NECTIN1: variants seen among roughly 807,000 people sequenced by gnomAD.
NECTIN1 encodes the protein nectin-1.
Under a neutral mutation model 48.0 loss-of-function variants are expected in NECTIN1, and 23 were observed. The ratio of observed to expected loss-of-function variants is 0.48; its 90% CI spans 0.34 to 0.68. NECTIN1 has a LOEUF of 0.68. NECTIN1 is among the 30% of genes least tolerant of loss of function. The pLI is 0.01. For missense variants in NECTIN1, 591 were observed against 709.9 expected, an observed-to-expected ratio of 0.83 and a Z score of 1.90; for synonymous variants, 270 against 288.9, an observed-to-expected ratio of 0.93 and a Z score of 0.66.
intron 5 of NECTIN1, among the ~76,000 whole-genome samples, chr11:119,653,077 T>C (rs1864515566): frequency 6.6e-6 from 1 of 152,218 alleles, no homozygotes; most frequent in Admixed American, 6.5e-5. Context: ...TTCTGTGAAG[T>C]TCCAGAATGG....
chr11:119,689,267 A>G (rs772360138), intron 1 of NECTIN1, among the ~76,000 whole-genome samples: 3 of 152,192 alleles, frequency 2.0e-5, no homozygotes, highest in Non-Finnish European at 4.4e-5. Context: ...TTCTTTGAAC[A>G]TAGGAGGGCC....
At chr11:119,669,778 C>T (rs76635445) in intron 5 of NECTIN1, among the ~76,000 whole-genome samples, 3,234 of 152,146 alleles carry the variant, frequency 0.021, 96 homozygotes, top group African/African-American at 0.072. Context: ...TTCCCCAGGG[C>T]CCCCAGGTTC....
At chr11:119,640,882 CTCCT>C (rs1405995999) in intron 5 of NECTIN1, 20 of 152,184 alleles carry the variant, frequency 1.3e-4, no homozygotes, top group Admixed American at 1.3e-3. Flanking sequence ...CACTTATGTA[CTCCT>C]TCCTCTCCAC....
chr11:119,648,271 GTGGTGATGGTGGTGGTGA>G (rs1472003862), intron 5 of NECTIN1, among the ~76,000 whole-genome samples: 398 of 19,592 alleles, frequency 0.02, 31 homozygotes, highest in Non-Finnish European at 0.028. Context: ...AATAGTGGTG[GTGGTGATGGTGGTGGTGA>G]TGGTGGTGGT....
In NECTIN1 at chr11:119,663,951, T is replaced by C. The variant is rs919832214; in HGVS notation, c.*796A>G. 1.0e-6 allele frequency: 1 copy of C among 979,194 alleles called. No homozygotes were observed. The highest frequency in any genetic ancestry group is 1.2e-6 in the Non-Finnish European group (1 of 824,442). 60.7% of individuals were successfully genotyped at this position (979,194 alleles called of 1,614,324 possible). A position where few individuals can be genotyped will look rare whatever the true frequency, so the allele number is the denominator to read the frequency against. ...CAGGCAGAGAGGAGCAGTGTGTGCA[T>C]GTGTGTGTGTGTGCACGTGTCAGCA... is the stretch of plus-strand genomic sequence containing the variant. On this transcript the variant is annotated 3_prime_UTR_variant, in exon 6 of 6. Transcript: ENST00000264025.
At position 119,723,678 on chromosome 11, in the gene NECTIN1, T is replaced by A. The variant is rs563141316; in HGVS notation, c.79+4797A>T. The stretch of plus-strand genomic sequence containing the variant: ...AATGGGGTGAGGTACAGATATTATG[T>A]TCCATGTGTTTTCTCATATCTCTTC... On this transcript the variant is annotated intron_variant, in intron 1 of 5. Coordinates refer to ENST00000264025, the MANE Select transcript of NECTIN1 (RefSeq NM_002855.5). 4.1e-4 allele frequency among the ~76,000 whole-genome samples: 62 copies of A among 152,320 alleles called. No individual in the cohort carries two copies. In the South Asian group the frequency reaches 0.013, roughly 32 times the overall value.
chr11:119,688,716 G>A (rs1377314285), intron 1 of NECTIN1, among the ~76,000 whole-genome samples: 2 of 152,152 alleles, frequency 1.3e-5, no homozygotes, highest in East Asian at 3.9e-4. Context: ...TAGTTGGGGG[G>A]CACTCTGGTG....
intron 5 of NECTIN1, among the ~76,000 whole-genome samples, chr11:119,671,326 C>T (rs1419390035): frequency 1.3e-5 from 2 of 152,034 alleles, no homozygotes; most frequent in African/African-American, 4.8e-5. Context: ...GGGGCCCAGC[C>T]AGCCTCCCTC....
In NECTIN1 at chr11:119,677,568, A is replaced by G; in HGVS notation, c.720T>C (p.Thr240=). 6.2e-7 allele frequency: 1 copy of G among 1,612,556 alleles called. No homozygotes were observed. Among genetic ancestry groups the G allele is most frequent in the Non-Finnish European group, 8.5e-7 (1 of 1,180,002 alleles). ...YHMDRFKESL[T]LNVQYEPEVT... is the part of the protein sequence containing the mutation. Reference sequence around the variant, plus strand: ...AGCCCTGCTCACACTGCACGTTGAGAGTGAGGCTTTCCTTGAAGCGGTCCA... The same window carrying G: ...AGCCCTGCTCACACTGCACGTTGAGGGTGAGGCTTTCCTTGAAGCGGTCCA... Residue 240 remains threonine (T), a synonymous_variant, in exon 3 of 6, where the codon ACT becomes ACC. Coordinates refer to ENST00000264025, the MANE Select transcript of NECTIN1 (RefSeq NM_002855.5). This position sits in a 1 kb window ranked among gnomAD's most constrained non-coding sequence, Gnocchi z 5.4.
At position 119,678,966 on chromosome 11, in the gene NECTIN1, C is replaced by T. The variant is rs149473827; in HGVS notation, c.80-201G>A. On this transcript the variant is annotated intron_variant, in intron 1 of 5. Coordinates refer to ENST00000264025, the MANE Select transcript of NECTIN1 (RefSeq NM_002855.5). This position sits in a 1 kb window ranked among gnomAD's most constrained non-coding sequence, Gnocchi z 4.4. The stretch of plus-strand genomic sequence containing the variant: ...AAGAAAGTGACAACATCCCATGATC[C>T]TTCCGCTCAGGATAATCTTGAAGGA... Among the ~76,000 whole-genome samples the T allele has an allele frequency of 6.6e-6, 1 of 152,342 alleles. No homozygotes were observed. Among genetic ancestry groups the T allele is most frequent in the East Asian group, 1.9e-4 (1 of 5,180 alleles).
At chr11:119,712,865 T>TA (rs1644097071) in intron 1 of NECTIN1, 1 of 152,208 alleles carries the variant, frequency 6.6e-6, no homozygotes, top group Non-Finnish European at 1.5e-5. Flanking sequence ...TCCAGTTGCT[T>TA]AAAGTATTTT....
Position 119,677,020 on chromosome 11 carries a change from T to C in NECTIN1, c.851+82A>G, listed in dbSNP as rs1864962789. On this transcript the variant is annotated intron_variant, in intron 4 of 5. Coordinates refer to ENST00000264025, the MANE Select transcript of NECTIN1 (RefSeq NM_002855.5). The surrounding 1 kb of genome is among the most constrained non-coding windows in gnomAD (Gnocchi z 5.4). The stretch of plus-strand genomic sequence containing the variant: ...AATTTCTTCCCTGCCTAAAGGCTCC[T>C]GGAGGTAGGATGGTTGCCCCTCATC... 4.9e-6 allele frequency: 6 copies of C among 1,230,738 alleles called. No homozygotes were observed. In the Admixed American group the frequency reaches 1.0e-4, roughly 21 times the overall value. The allele number at this position is 1,230,738 out of a possible 1,614,324, so 76.2% of individuals were successfully genotyped here. A position where few individuals can be genotyped will look rare whatever the true frequency, so the allele number is the denominator to read the frequency against.
In NECTIN1 at chr11:119,709,372, C is replaced by T. The variant is rs146931142; in HGVS notation, c.79+19103G>A. 3.3e-4 allele frequency among the ~76,000 whole-genome samples: 51 copies of T among 152,270 alleles called. No individual in the cohort carries two copies. The highest frequency in any genetic ancestry group is 1.2e-3 in the African/African-American group (48 of 41,552). On this transcript the variant is annotated intron_variant, in intron 1 of 5. Transcript: ENST00000264025. The surrounding 1 kb of genome is among the most constrained non-coding windows in gnomAD (Gnocchi z 4.1). ...GGGCCCAGGGCGCCTCTGTCTGCCA[C>T]GCACTTGCCTGGGCCACTCTGCTAC...
chr11:119,687,066 G>A (rs1328003988), intron 1 of NECTIN1, among the ~76,000 whole-genome samples: 1 of 152,148 alleles, frequency 6.6e-6, no homozygotes, highest in South Asian at 2.1e-4. Context: ...CCTCACACCT[G>A]CATGGAAGGG....
intron 4 of NECTIN1, among the ~76,000 whole-genome samples, chr11:119,676,057 C>T (rs1229084071): frequency 5.3e-5 from 8 of 151,868 alleles, no homozygotes. Flanking sequence ...AACCCCAGAT[C>T]TCCTGAAGCA....
At chr11:119,724,095 C>T (rs954575903) in intron 1 of NECTIN1, among the ~76,000 whole-genome samples, 2 of 152,198 alleles carry the variant, frequency 1.3e-5, no homozygotes, top group Non-Finnish European at 2.9e-5. Flanking sequence ...CTCTGCAGGG[C>T]CCTCATGGAG....
At chr11:119,726,351 C>T (rs1483200278) in intron 1 of NECTIN1, among the ~76,000 whole-genome samples, 3 of 152,178 alleles carry the variant, frequency 2.0e-5, no homozygotes, top group East Asian at 1.9e-4. Context: ...TCCCTGCACC[C>T]GTGGACCCTA....
intron 1 of NECTIN1, among the ~76,000 whole-genome samples, chr11:119,686,199 G>A (rs1865150867): frequency 6.6e-6 from 1 of 152,168 alleles, no homozygotes; most frequent in South Asian, 2.1e-4. Context: ...CAGCCCCGCT[G>A]GTCCTGATTC....
chr11:119,655,600 C>T (rs2088062128), intron 5 of NECTIN1, among the ~76,000 whole-genome samples: 1 of 152,194 alleles, frequency 6.6e-6, no homozygotes, highest in Non-Finnish European at 1.5e-5. Flanking sequence ...ATGACGATAG[C>T]ATAGGTTTAA....
Sources: allele counts gnomAD v4.1 joint callset (sites outside exome capture counted in the v4.1 genomes callset), GRCh38; gene constraint gnomAD v4.1.1; non-coding constraint Gnocchi (gnomAD v3.1); transcripts MANE v1.5; gene names NCBI Gene and HGNC (gene_info 2026-07-23, HGNC 2026-07-21).